MBNL2: variants seen among roughly 807,000 people sequenced by gnomAD.
The protein encoded by MBNL2 is muscleblind-like protein 2.
In MBNL2, 17 loss-of-function variants were observed where a neutral mutation model predicts 41.9. The ratio of observed to expected loss-of-function variants is 0.41; its 90% CI spans 0.28 to 0.61. The LOEUF (loss-of-function observed/expected upper bound fraction) is 0.61, where lower values mean the gene tolerates loss of function less well. Among genes scored for constraint, MBNL2 ranks in the 20% least tolerant of loss-of-function variants. The probability of loss-of-function intolerance (pLI) is 0.35; values close to 1 mark genes in which losing one functional copy is unlikely to be tolerated. For missense variants in MBNL2, 336 were observed against 505.6 expected (o/e 0.66, Z 3.22); for synonymous variants, 195 against 182.9 (o/e 1.07, Z -0.53).
At chr13:97,229,495 G>T (rs1445621796) in intron 1 of MBNL2, among the ~76,000 whole-genome samples, 1 of 152,084 alleles carries the variant, frequency 6.6e-6, no homozygotes, top group Non-Finnish European at 1.5e-5. Flanking sequence ...TATTAGCAGG[G>T]TTATGCAAGA....
chr13:97,226,965 T>C (rs997989641), intron 1 of MBNL2, among the ~76,000 whole-genome samples: 1 of 151,230 alleles, frequency 6.6e-6, no homozygotes, highest in East Asian at 2.0e-4. Flanking sequence ...TCACTGTCTC[T>C]ATCTCTAGCA....
the MBNL2 span, among the ~76,000 whole-genome samples, chr13:97,178,343 T>C: frequency 6.6e-6 from 1 of 152,090 alleles, no homozygotes; most frequent in Non-Finnish European, 1.5e-5. Context: ...TAATTAATGA[T>C]CAGCACAGGG....
rs1292582558 is a variant in MBNL2 at position 97,392,889 on chromosome 13, G to GACTTTTGA, written c.*1441_*1448dup. On this transcript the variant is annotated 3_prime_UTR_variant, in exon 9 of 9. Transcript: ENST00000679496. ...AACATATTAGTGATTGAAGTATTTTGACTTTTGAGATTGAATGTAAAATAT... is the reference window on the plus strand; with the variant it reads ...AACATATTAGTGATTGAAGTATTTTGACTTTTGAACTTTTGAGATTGAATGTAAAATAT... 2 of 152,310 alleles carry GACTTTTGA rather than the reference G, an allele frequency of 1.3e-5. No homozygotes were observed. The highest frequency in any genetic ancestry group is 3.8e-4 in the East Asian group (2 of 5,200). 9.4% of individuals were successfully genotyped at this position (152,310 alleles called of 1,614,324 possible). A position where few individuals can be genotyped will look rare whatever the true frequency, so the allele number is the denominator to read the frequency against.
the MBNL2 span, among the ~76,000 whole-genome samples, chr13:97,175,684 A>G: frequency 6.6e-6 from 1 of 152,164 alleles, no homozygotes; most frequent in African/African-American, 2.4e-5. Context: ...GGTAATTACA[A>G]ACTTGTATTG....
chr13:97,262,342 A>C (rs1175408081), intron 1 of MBNL2, among the ~76,000 whole-genome samples: 1 of 152,132 alleles, frequency 6.6e-6, no homozygotes, highest in Non-Finnish European at 1.5e-5. Context: ...AATTGTCCAC[A>C]TGCCTTGATC....
rs2052104854 is a variant in MBNL2, at chr13:97,276,252, C to T, written c.17C>T (p.Ala6Val). The change falls in exon 2 of 9, where the codon GCC becomes GTC. Residue 6 changes from alanine (A) to valine (V), a missense_variant. Coordinates refer to ENST00000679496, the MANE Select transcript of MBNL2 (RefSeq NM_001382683.1). MALNV[A>V]PVRDTKWLTL... ...TTTATCACCATGGCTTTGAACGTTG[C>T]CCCAGTCAGAGATACAAAATGGCTG... 2 of 1,613,332 alleles carry T rather than the reference C, an allele frequency of 1.2e-6. No homozygotes were observed. The highest frequency in any genetic ancestry group is 1.7e-6 in the Non-Finnish European group (2 of 1,179,450).
the MBNL2 span, among the ~76,000 whole-genome samples, chr13:97,153,981 A>T: frequency 6.6e-6 from 1 of 152,200 alleles, no homozygotes; most frequent in Non-Finnish European, 1.5e-5. Context: ...TATCCAGTAA[A>T]TGTTAACTTT....
chr13:97,276,660 A>C (rs1288672878), intron 2 of MBNL2, among the ~76,000 whole-genome samples: 1 of 152,196 alleles, frequency 6.6e-6, no homozygotes, highest in Non-Finnish European at 1.5e-5. Flanking sequence ...TGTACCCAAG[A>C]GTTTTAAATC....
At chr13:97,160,560 G>A in the MBNL2 span, among the ~76,000 whole-genome samples, 909 of 151,746 alleles carry the variant, frequency 6.0e-3, 9 homozygotes, top group Non-Finnish European at 9.5e-3. Flanking sequence ...ACCTAGACAC[G>A]CACACACACA....
intron 2 of MBNL2, among the ~76,000 whole-genome samples, chr13:97,312,271 T>C (rs777200207): frequency 8.5e-4 from 129 of 152,346 alleles, no homozygotes; most frequent in Non-Finnish European, 1.6e-3. Context: ...TCTCAGTTGT[T>C]ACATAAAAAG....
intron 3 of MBNL2, among the ~76,000 whole-genome samples, chr13:97,341,651 T>G (rs962492858): frequency 3.4e-4 from 52 of 152,186 alleles, no homozygotes; most frequent in Non-Finnish European, 5.3e-4. Flanking sequence ...AGGACCCCTC[T>G]AAGACCATTA....
chr13:97,252,059 C>T (rs111836158), intron 1 of MBNL2, among the ~76,000 whole-genome samples: 1 of 150,948 alleles, frequency 6.6e-6, no homozygotes, highest in South Asian at 2.1e-4. Context: ...ACCTTGTTAG[C>T]CAGGATGGTC....
chr13:97,263,668 AGTGCGGTG>A (rs1331947628), intron 1 of MBNL2, among the ~76,000 whole-genome samples: 1 of 152,122 alleles, frequency 6.6e-6, no homozygotes, highest in Admixed American at 6.5e-5. Context: ...CCCAGGCTGG[AGTGCGGTG>A]GTGCTATCTC....
chr13:97,293,065 T>A lies in MBNL2; in HGVS notation c.174+16656T>A, dbSNP rs570332608. On this transcript the variant is annotated intron_variant, in intron 2 of 8. Coordinates refer to ENST00000679496, the MANE Select transcript of MBNL2 (RefSeq NM_001382683.1). ...TCATCATCATTATTATTATTTTTAC[T>A]TCTGTGTTTATTATTTCCTTTCTCC... Among the ~76,000 whole-genome samples, 84 of 152,160 alleles carry A rather than the reference T, an allele frequency of 5.5e-4. 1 individual carries two copies. The highest frequency in any genetic ancestry group is 2.0e-3 in the African/African-American group (82 of 41,460).
intron 1 of MBNL2, among the ~76,000 whole-genome samples, chr13:97,260,308 C>T (rs2048360365): frequency 1.3e-5 from 2 of 152,140 alleles, no homozygotes. Context: ...AAGTATGGGG[C>T]CAGTCACCGA....
chr13:97,357,673 G>T, intron 7 of MBNL2, 38 bp downstream of exon 7: 1 of 1,601,060 alleles, frequency 6.2e-7, no homozygotes. Flanking sequence ...GTGCCCTTCT[G>T]GTCATGTGCT....
At chr13:97,384,195 C>G (rs1487159223) in intron 8 of MBNL2, among the ~76,000 whole-genome samples, 2 of 152,124 alleles carry the variant, frequency 1.3e-5, no homozygotes, top group Non-Finnish European at 2.9e-5. Context: ...GCCACTGCAC[C>G]CGGCCTATAT....
chr13:97,198,215 G>A, the MBNL2 span, among the ~76,000 whole-genome samples: 2 of 152,116 alleles, frequency 1.3e-5, no homozygotes, highest in South Asian at 2.1e-4. Flanking sequence ...GCCCTGAGTA[G>A]AGCAAAAGTC....
chr13:97,258,404 A>ACTTT (rs749420021), intron 1 of MBNL2, among the ~76,000 whole-genome samples: 2 of 152,128 alleles, frequency 1.3e-5, no homozygotes, highest in African/African-American at 4.8e-5. Flanking sequence ...GTATGGCAGT[A>ACTTT]CTTTCTTTCT....
Sources: allele counts gnomAD v4.1 joint callset (sites outside exome capture counted in the v4.1 genomes callset), GRCh38; gene constraint gnomAD v4.1.1; transcripts MANE v1.5; gene names NCBI Gene and HGNC (gene_info 2026-07-23, HGNC 2026-07-21).